The following ADI1 variants were observed in gnomAD, a reference collection of about 807,000 sequenced individuals.
ADI1 encodes acireductone dioxygenase.
A neutral mutation model predicts 18.7 loss-of-function variants in ADI1; 21 were observed. The observed-to-expected ratio is 1.13, with a 90% CI of 0.80 to 1.62. ADI1 has a LOEUF of 1.62. Ranked by LOEUF, ADI1 falls within the 40% of genes most tolerant of loss-of-function variation. The pLI, the probability that ADI1 is intolerant of heterozygous loss-of-function variation, is 0.00. For missense variants in ADI1, 245 were observed against 254.9 expected (o/e 0.96, Z 0.26); for synonymous variants, 90 against 100.1 (o/e 0.90, Z 0.60).
chr2:3,513,691 C>G (rs558094457), intron 2 of ADI1, among the ~76,000 whole-genome samples, 166 bp downstream of exon 2: 1 of 152,146 alleles, frequency 6.6e-6, no homozygotes, highest in African/African-American at 2.4e-5. Flanking sequence ...GAACTGTGGG[C>G]CAATTAAATC....
chr2:3,502,746 G>A (rs1331767597), intron 2 of ADI1, among the ~76,000 whole-genome samples: 2 of 152,020 alleles, frequency 1.3e-5, no homozygotes, highest in Non-Finnish European at 2.9e-5. Flanking sequence ...CACCGCACAC[G>A]GCGACAAACG....
Position 3,498,956 on chromosome 2 carries a change from A to G in ADI1, c.*7T>C. 3.7e-6 allele frequency: 6 copies of G among 1,604,112 alleles called. No individual in the cohort carries two copies. Among genetic ancestry groups the G allele is most frequent in the African/African-American group, 1.3e-5 (1 of 74,836 alleles). ...ACGAGGCACGTGTTAGTTCCCAGGC[A>G]GCACTGCTAGGCGGTCTGTGCCAGA... is the stretch of plus-strand genomic sequence containing the variant. On this transcript the variant is annotated 3_prime_UTR_variant, in exon 4 of 4. Coordinates refer to ENST00000327435, the MANE Select transcript of ADI1 (RefSeq NM_018269.4).
At chr2:3,509,621 A>G (rs1253978344) in intron 2 of ADI1, among the ~76,000 whole-genome samples, 1 of 152,204 alleles carries the variant, frequency 6.6e-6, no homozygotes, top group African/African-American at 2.4e-5. Flanking sequence ...ATTAATTAGA[A>G]TGTATTTAAA....
chr2:3,518,549 G>C (rs1667457525), intron 1 of ADI1, among the ~76,000 whole-genome samples: 1 of 152,198 alleles, frequency 6.6e-6, no homozygotes, highest in Non-Finnish European at 1.5e-5. Flanking sequence ...TAGCGTTACA[G>C]AGGCAGGGCT....
intron 1 of ADI1, chr2:3,516,934 G>C (rs2103214726): frequency 6.1e-6 from 6 of 984,968 alleles, no homozygotes; most frequent in African/African-American, 5.2e-5. Context: ...GGTTTTTTTA[G>C]AGATGAGGTC....
At chr2:3,517,048 G>T in intron 1 of ADI1, 1 of 571,768 alleles carries the variant, frequency 1.7e-6, no homozygotes, top group Non-Finnish European at 2.2e-6. Flanking sequence ...TTTGGACTGA[G>T]CCCCTGCACT....
chr2:3,509,445 T>G (rs1350961821), intron 2 of ADI1, among the ~76,000 whole-genome samples: 2 of 152,126 alleles, frequency 1.3e-5, no homozygotes, highest in African/African-American at 4.8e-5. Context: ...AGTCTCAATA[T>G]ATTTACGAAG....
chr2:3,506,095 C>T (rs1350417315), intron 2 of ADI1, among the ~76,000 whole-genome samples: 2 of 152,208 alleles, frequency 1.3e-5, no homozygotes, highest in African/African-American at 4.8e-5. Flanking sequence ...ACCCCAAGTC[C>T]AGCTGCTTCC....
At position 3,498,713 on chromosome 2, in the gene ADI1, A is replaced by C. The variant is rs972683460; in HGVS notation, c.*250T>G. The C allele has an allele frequency of 2.4e-6, 1 of 421,768 alleles. No individual in the cohort carries two copies. The highest frequency in any genetic ancestry group is 3.7e-5 in the East Asian group (1 of 26,732). 26.1% of individuals were successfully genotyped at this position (421,768 alleles called of 1,614,324 possible). On this transcript the variant is annotated 3_prime_UTR_variant, in exon 4 of 4. Transcript: ENST00000327435. The stretch of plus-strand genomic sequence containing the variant: ...TTTCATTTGGGACTCAACTGAATGC[A>C]TGAACTAACACAGGGCCATGGACCC...
In ADI1 at chr2:3,498,880, G is replaced by C. The variant is rs1238854961; in HGVS notation, c.*83C>G. 6.6e-7 allele frequency: 1 copy of C among 1,509,878 alleles called. No homozygotes were observed. The highest frequency in any genetic ancestry group is 8.9e-7 in the Non-Finnish European group (1 of 1,119,272). 93.5% of individuals were successfully genotyped at this position (1,509,878 alleles called of 1,614,324 possible). On this transcript the variant is annotated 3_prime_UTR_variant, in exon 4 of 4. Coordinates refer to ENST00000327435, the MANE Select transcript of ADI1 (RefSeq NM_018269.4). ...CTAGCCTCAAGGCTATCCTCTAAAA[G>C]CAAAGAGAAAGTGATTGATTTTCTG...
chr2:3,503,917 A>G (rs1361380102), intron 2 of ADI1, among the ~76,000 whole-genome samples: 1 of 152,170 alleles, frequency 6.6e-6, no homozygotes, highest in Non-Finnish European at 1.5e-5. Context: ...GAAGAGGGGG[A>G]CATGCCTCCT....
chr2:3,519,012 G>A (rs116302923), intron 1 of ADI1, among the ~76,000 whole-genome samples: 1,727 of 151,942 alleles, frequency 0.011, 31 homozygotes, highest in South Asian at 0.068. Flanking sequence ...CTGAGCATGC[G>A]CAGCCCACCC....
chr2:3,513,761 C>T, intron 2 of ADI1, 96 bp downstream of exon 2: 1 of 1,336,756 alleles, frequency 7.5e-7, no homozygotes, highest in Non-Finnish European at 1.0e-6. Flanking sequence ...AGAATGGCCT[C>T]ATACAGACAT....
chr2:3,502,439 C>T (rs1033177679), intron 2 of ADI1, among the ~76,000 whole-genome samples: 8 of 143,402 alleles, frequency 5.6e-5, no homozygotes, highest in East Asian at 4.1e-4. Flanking sequence ...AAAAGACAAA[C>T]GGAAATAGCT....
chr2:3,513,920 C>T lies in ADI1; in HGVS notation c.177G>A (p.Arg59=), dbSNP rs1667344073. ...DPELEKIRRE[R]NYSWMDIITI... ...TTATGATGTCCATCCAGGAGTAGTT[C>T]CTCTCTCTTCGGATCTTTTCTAATT... Residue 59 remains arginine (R), a synonymous_variant, in exon 2 of 4, where the codon AGG becomes AGA. Transcript: ENST00000327435. 3.1e-6 allele frequency: 5 copies of T among 1,612,130 alleles called. No homozygotes were observed. In the East Asian group the frequency reaches 1.1e-4, roughly 36 times the overall value.
intron 2 of ADI1, among the ~76,000 whole-genome samples, chr2:3,506,624 C>T (rs903969231): frequency 1.3e-4 from 20 of 152,166 alleles, no homozygotes; most frequent in African/African-American, 4.8e-4. Flanking sequence ...TTTTTCCAAA[C>T]TTAATCTATA....
In ADI1 at chr2:3,500,819, C is replaced by T. The variant is rs148272597; in HGVS notation, c.415G>A (p.Glu139Lys). ...AGAAAGCACAGCACTCCCACCTTCT[C>T]GTCCACCGTGAAGCGGTGATAGATC... ...AGIYHRFTVD[E>K]KNYTKAMRLF... Residue 139 changes from glutamate to lysine, a missense_variant, in exon 3 of 4, where the codon GAG becomes AAG. Transcript: ENST00000327435. 2.8e-5 allele frequency: 45 copies of T among 1,613,958 alleles called. No individual in the cohort carries two copies. Among genetic ancestry groups the T allele is most frequent in the East Asian group, 2.2e-4 (10 of 44,888 alleles).
chr2:3,503,877 T>G (rs1667109136), intron 2 of ADI1, among the ~76,000 whole-genome samples: 1 of 152,094 alleles, frequency 6.6e-6, no homozygotes, highest in African/African-American at 2.4e-5. Context: ...CAAGAAGGCC[T>G]CCAGCCCCAG....
At chr2:3,519,285 C>T in intron 1 of ADI1, 83 bp downstream of exon 1, 1 of 1,312,806 alleles carries the variant, frequency 7.6e-7, no homozygotes, top group South Asian at 2.0e-5. Context: ...GGCCGCTGCC[C>T]GGCACCTGGA....
Sources: gnomAD v4.1 joint callset for allele counts (sites outside exome capture counted in the v4.1 genomes callset) on GRCh38, gnomAD v4.1.1 for gene constraint, MANE v1.5 for transcripts, NCBI Gene and HGNC (gene_info 2026-07-23, HGNC 2026-07-21) for gene names.